Variants in NFIB observed in about 807,000 individuals in gnomAD.
NFIB encodes the protein nuclear factor I B.
Under a neutral mutation model 61.5 loss-of-function variants are expected in NFIB, and 11 were observed. The observed-to-expected ratio is 0.18, with a 90% CI of 0.11 to 0.30. NFIB has a LOEUF of 0.30. Ranked by LOEUF, NFIB falls within the 10% of genes least tolerant of loss-of-function variation. NFIB has a pLI of 1.00. For missense variants in NFIB, 471 were observed against 608.9 expected (o/e 0.77, Z 2.38); for synonymous variants, 260 against 216.5 (o/e 1.20, Z -1.76).
At chr9:14,485,426 A>G in the NFIB span, among the ~76,000 whole-genome samples, 1 of 152,240 alleles carries the variant, frequency 6.6e-6, no homozygotes, top group African/African-American at 2.4e-5. Flanking sequence ...TGCAGCTCAT[A>G]TAAGAAGGTG....
intron 3 of NFIB, among the ~76,000 whole-genome samples, chr9:14,174,070 C>T (rs2045874893): frequency 6.6e-6 from 1 of 152,128 alleles, no homozygotes; most frequent in Non-Finnish European, 1.5e-5. Context: ...TCTTCCTTTA[C>T]TCTGAATCCT....
chr9:14,093,391 T>C (rs2034264985), intron 10 of NFIB: 1 of 152,056 alleles, frequency 6.6e-6, no homozygotes, highest in African/African-American at 2.4e-5. Context: ...AGATAGTAAA[T>C]ACTCTTTCAA....
At chr9:14,485,733 G>A in the NFIB span, among the ~76,000 whole-genome samples, 1 of 152,000 alleles carries the variant, frequency 6.6e-6, no homozygotes, top group Non-Finnish European at 1.5e-5. Flanking sequence ...AAGTTAGTCG[G>A]GTGTTGTGGT....
At chr9:14,473,149 G>A in the NFIB span, among the ~76,000 whole-genome samples, 11 of 152,200 alleles carry the variant, frequency 7.2e-5, no homozygotes, top group African/African-American at 2.4e-4. Context: ...GAGGTCTGAC[G>A]TGTTGCAGAA....
At chr9:14,123,337 C>T (rs1262347670) in intron 7 of NFIB, among the ~76,000 whole-genome samples, 3 of 151,984 alleles carry the variant, frequency 2.0e-5, no homozygotes, top group East Asian at 3.9e-4. Context: ...AGAATACATA[C>T]ACATGTATGT....
intron 10 of NFIB, 132 bp from the exon 11 acceptor site, chr9:14,088,458 T>C: frequency 1.0e-6 from 1 of 958,710 alleles, no homozygotes; most frequent in Non-Finnish European, 1.4e-6. Context: ...AAAATTACAG[T>C]CTAATATGAG....
the NFIB span, among the ~76,000 whole-genome samples, chr9:14,464,744 G>A: frequency 1.3e-5 from 2 of 152,108 alleles, no homozygotes; most frequent in East Asian, 3.9e-4. Flanking sequence ...ATCTCAGTGG[G>A]ACGGTCAGCA....
the NFIB span, among the ~76,000 whole-genome samples, chr9:14,409,372 T>C: frequency 6.6e-6 from 1 of 152,356 alleles, no homozygotes; most frequent in African/African-American, 2.4e-5. Flanking sequence ...TGGTGCTCCC[T>C]GTCTAGAGAT....
intron 1 of NFIB, among the ~76,000 whole-genome samples, chr9:14,374,486 T>C (rs746331329): frequency 2.0e-5 from 3 of 152,200 alleles, no homozygotes; most frequent in Non-Finnish European, 2.9e-5. Flanking sequence ...AAAATGATTA[T>C]TAATTGAGGT....
intron 4 of NFIB, among the ~76,000 whole-genome samples, chr9:14,150,914 T>C (rs550890234): frequency 3.9e-5 from 6 of 152,310 alleles, no homozygotes; most frequent in South Asian, 2.1e-4. Flanking sequence ...TGTATGTCTT[T>C]ATCAAAATAT....
chr9:14,520,206 A>G, the NFIB span, among the ~76,000 whole-genome samples: 1 of 152,236 alleles, frequency 6.6e-6, no homozygotes, highest in Admixed American at 6.5e-5. Context: ...TTGTAATTTT[A>G]TCAAAAGGCC....
intron 2 of NFIB, among the ~76,000 whole-genome samples, chr9:14,233,030 G>C (rs2053370798): frequency 6.6e-6 from 1 of 152,206 alleles, no homozygotes; most frequent in South Asian, 2.1e-4. Context: ...TGCTGCACTT[G>C]CTCTTGATAG....
At chr9:14,238,687 G>T (rs2132018364) in intron 2 of NFIB, among the ~76,000 whole-genome samples, 1 of 152,236 alleles carries the variant, frequency 6.6e-6, no homozygotes, top group South Asian at 2.1e-4. Flanking sequence ...GGAAATGGCT[G>T]CATCCTAGTA....
At chr9:14,480,439 T>C in the NFIB span, among the ~76,000 whole-genome samples, 1 of 152,172 alleles carries the variant, frequency 6.6e-6, no homozygotes, top group Admixed American at 6.5e-5. Context: ...AGAGATTTCC[T>C]TGATGCTAAT....
At chr9:14,527,196 AG>A in the NFIB span, among the ~76,000 whole-genome samples, 1 of 152,212 alleles carries the variant, frequency 6.6e-6, no homozygotes, top group Non-Finnish European at 1.5e-5. Context: ...AAGACATGAA[AG>A]AAAAAAGTAT....
intron 2 of NFIB, among the ~76,000 whole-genome samples, chr9:14,231,322 G>T (rs566937123): frequency 6.6e-6 from 1 of 151,752 alleles, no homozygotes; most frequent in South Asian, 2.1e-4. Context: ...GAGAGACAAG[G>T]AAAGGCAGAG....
intron 1 of NFIB, among the ~76,000 whole-genome samples, chr9:14,372,322 C>T (rs1242997235): frequency 2.6e-5 from 4 of 152,084 alleles, no homozygotes; most frequent in Non-Finnish European, 5.9e-5. Context: ...CATAAGGAGC[C>T]TCTAATTTTA....
intron 2 of NFIB, among the ~76,000 whole-genome samples, chr9:14,231,119 G>GAAAAAA (rs1563926086): frequency 2.8e-5 from 1 of 35,420 alleles, no homozygotes; most frequent in Admixed American, 2.9e-4. Context: ...TTTTCCATGG[G>GAAAAAA]GAAAAAAAAA....
intron 1 of NFIB, among the ~76,000 whole-genome samples, chr9:14,365,119 T>C (rs1451787060): frequency 1.3e-5 from 2 of 152,240 alleles, no homozygotes; most frequent in Non-Finnish European, 2.9e-5. Context: ...TAGCCCAGTG[T>C]CCTGCACATG....
Sources: allele counts gnomAD v4.1 joint callset (sites outside exome capture counted in the v4.1 genomes callset), GRCh38; gene constraint gnomAD v4.1.1; transcripts MANE v1.5; gene names NCBI Gene and HGNC (gene_info 2026-07-23, HGNC 2026-07-21).